RNLS: variants seen among roughly 807,000 people sequenced by gnomAD.
RNLS encodes renalase.
In RNLS, 39 loss-of-function variants were observed where a neutral mutation model predicts 39.8. That is an observed-to-expected ratio of 0.98 (90% CI 0.76 to 1.28). The LOEUF (loss-of-function observed/expected upper bound fraction) is 1.28. Ranked by LOEUF, RNLS falls within the 50% of genes most tolerant of loss-of-function variation. RNLS has a pLI of 0.00. For synonymous variants in RNLS, 147 were observed against 150.7 expected (o/e 0.98, Z 0.18); for missense variants, 410 against 413.3 (o/e 0.99, Z 0.07).
At chr10:88,534,242 A>G (rs1847614126) in intron 4 of RNLS, among the ~76,000 whole-genome samples, 1 of 152,128 alleles carries the variant, frequency 6.6e-6, no homozygotes, top group Non-Finnish European at 1.5e-5. Context: ...GACCTGCAGC[A>G]TTATGTAACA....
At chr10:88,377,886 T>C (rs1851145478) in intron 4 of RNLS, among the ~76,000 whole-genome samples, 1 of 152,240 alleles carries the variant, frequency 6.6e-6, no homozygotes, top group African/African-American at 2.4e-5. Context: ...CTTTCTCTTT[T>C]GTAATAACAC....
At chr10:88,457,930 A>T (rs572383695) in intron 4 of RNLS, among the ~76,000 whole-genome samples, 1 of 152,342 alleles carries the variant, frequency 6.6e-6, no homozygotes, top group South Asian at 2.1e-4. Context: ...CCTACCTTGG[A>T]AACATGAGCA....
chr10:88,254,643 CTAAT>C, the RNLS span, among the ~76,000 whole-genome samples: 1 of 152,200 alleles, frequency 6.6e-6, no homozygotes, highest in African/African-American at 2.4e-5. Flanking sequence ...AGAGTCCAAA[CTAAT>C]TATAAGAATA....
chr10:88,222,447 G>A, the RNLS span, among the ~76,000 whole-genome samples: 18 of 152,142 alleles, frequency 1.2e-4, no homozygotes, highest in African/African-American at 4.3e-4. Flanking sequence ...CAACTAATAG[G>A]CTGTTTACCC....
intron 3 of RNLS, 27 bp downstream of exon 3, chr10:88,581,540 T>C: frequency 6.4e-7 from 1 of 1,571,040 alleles, no homozygotes. Context: ...AATTTTAAAA[T>C]TTAGGCAGAG....
the RNLS span, among the ~76,000 whole-genome samples, chr10:88,256,675 G>A: frequency 2.6e-5 from 4 of 152,080 alleles, no homozygotes; most frequent in African/African-American, 7.2e-5. Flanking sequence ...AGCCTTAATT[G>A]AGTACGAAAG....
chr10:88,376,725 A>C (rs1851030414), intron 4 of RNLS, among the ~76,000 whole-genome samples: 1 of 152,158 alleles, frequency 6.6e-6, no homozygotes. Flanking sequence ...CCTGTGTGAA[A>C]TATATGCAAA....
chr10:88,488,824 G>C (rs1241874160), intron 4 of RNLS, among the ~76,000 whole-genome samples: 1 of 152,114 alleles, frequency 6.6e-6, no homozygotes, highest in South Asian at 2.1e-4. Flanking sequence ...TTTGAAGGAG[G>C]AATTTGGGTC....
intron 4 of RNLS, among the ~76,000 whole-genome samples, chr10:88,518,570 C>A (rs1034951478): frequency 6.6e-6 from 1 of 151,968 alleles, no homozygotes; most frequent in Non-Finnish European, 1.5e-5. Flanking sequence ...ATACTATGAA[C>A]TGCAAAAGCT....
At chr10:88,467,879 G>A (rs1589843669) in intron 4 of RNLS, among the ~76,000 whole-genome samples, 1 of 152,278 alleles carries the variant, frequency 6.6e-6, no homozygotes, top group African/African-American at 2.4e-5. Flanking sequence ...TCCACCTGCT[G>A]AGTCAGAATC....
intron 4 of RNLS, among the ~76,000 whole-genome samples, chr10:88,565,541 G>C (rs1323327882): frequency 2.0e-5 from 3 of 151,854 alleles, no homozygotes; most frequent in African/African-American, 7.3e-5. Context: ...GATTTCCATG[G>C]GGGTCCAATT....
At chr10:88,320,406 A>G (rs1177551418) in intron 5 of RNLS, among the ~76,000 whole-genome samples, 2 of 151,696 alleles carry the variant, frequency 1.3e-5, no homozygotes, top group East Asian at 3.9e-4. Flanking sequence ...CAAAGTAACT[A>G]GCTAACAACA....
intron 4 of RNLS, among the ~76,000 whole-genome samples, chr10:88,572,407 T>A (rs1310611298): frequency 6.6e-6 from 1 of 152,208 alleles, no homozygotes. Context: ...TCTTCTGGCA[T>A]AATTTCAGCT....
the RNLS span, among the ~76,000 whole-genome samples, chr10:88,194,279 C>T: frequency 4.6e-5 from 7 of 152,292 alleles, no homozygotes; most frequent in East Asian, 5.8e-4. Context: ...ATGCAAGTAG[C>T]GTTCCTCACT....
intron 4 of RNLS, among the ~76,000 whole-genome samples, chr10:88,560,333 A>C (rs1054615748): frequency 4.6e-5 from 7 of 152,070 alleles, no homozygotes; most frequent in African/African-American, 1.7e-4. Context: ...CAAAAAAAAA[A>C]CCCAGTAATG....
At chr10:88,306,919 C>A (rs1031751256) in intron 6 of RNLS, among the ~76,000 whole-genome samples, 2 of 152,112 alleles carry the variant, frequency 1.3e-5, no homozygotes, top group Non-Finnish European at 2.9e-5. Context: ...ATGCAAAAAT[C>A]TTCAATAAAA....
chr10:88,181,589 A>G, the RNLS span, among the ~76,000 whole-genome samples: 1 of 152,186 alleles, frequency 6.6e-6, no homozygotes, highest in African/African-American at 2.4e-5. Context: ...ACATCGTTGT[A>G]GCTAAACCTT....
chr10:88,335,555 T>C (rs920296434), intron 5 of RNLS, among the ~76,000 whole-genome samples: 24 of 152,206 alleles, frequency 1.6e-4, no homozygotes, highest in Non-Finnish European at 3.4e-4. Flanking sequence ...TGTGAATTGT[T>C]TCTAAATGTA....
chr10:88,407,554 C>G (rs792208), intron 4 of RNLS, among the ~76,000 whole-genome samples: 106,168 of 151,830 alleles, frequency 0.7, 37,985 homozygotes, highest in African/African-American at 0.86. Context: ...GAAAAAAAGG[C>G]AGAGAAAATA....
Sources: gnomAD v4.1 joint callset for allele counts (sites outside exome capture counted in the v4.1 genomes callset) on GRCh38, gnomAD v4.1.1 for gene constraint, MANE v1.5 for transcripts, NCBI Gene and HGNC (gene_info 2026-07-23, HGNC 2026-07-21) for gene names.